PALS1: variants seen among roughly 807,000 people sequenced by gnomAD.
PALS1 encodes the protein protein associated with LIN7 1, MAGUK p55 family member.
In PALS1, 31 loss-of-function variants were observed where a neutral mutation model predicts 78.9. That is an observed-to-expected ratio of 0.39 (90% confidence interval 0.30 to 0.53). PALS1 has a LOEUF of 0.53. Ranked by LOEUF, PALS1 falls within the 20% of genes least tolerant of loss-of-function variation. PALS1 has a pLI of 0.67. For missense variants in PALS1, 704 were observed against 826.5 expected (o/e 0.85, Z 1.82); for synonymous variants, 276 against 270.9 (o/e 1.02, Z -0.18).
Position 67,279,341 on chromosome 14 carries a change from G to A in PALS1, c.171G>A (p.Glu57=), listed in dbSNP as rs1364249432. 5.0e-6 allele frequency: 8 copies of A among 1,613,908 alleles called. No homozygotes were observed. The highest frequency in any genetic ancestry group is 6.8e-6 in the Non-Finnish European group (8 of 1,179,958). Residue 57 remains glutamate (E), a synonymous_variant, in exon 3 of 15, where the codon GAG becomes GAA. Coordinates refer to ENST00000261681, the MANE Select transcript of PALS1 (RefSeq NM_022474.4). ...CAATACGTCGAAGTGCACAGTTGGAGCGTATTCGGCAACAACAGGAGGACA... is the reference window on the plus strand; with the variant it reads ...CAATACGTCGAAGTGCACAGTTGGAACGTATTCGGCAACAACAGGAGGACA... ...MMPIRRSAQL[E]RIRQQQEDMR...
intron 14 of PALS1, among the ~76,000 whole-genome samples, chr14:67,325,979 C>CTTTTTTTTTTTTT (rs61592505): frequency 5.6e-4 from 62 of 110,204 alleles, no homozygotes; most frequent in African/African-American, 8.6e-4. Flanking sequence ...CGGCTCTTTT[C>CTTTTTTTTTTTTT]TTTTTTTTTT....
At chr14:67,280,829 TTCCTTCCTTCCTTCCTTCCTTCCTTCCC>T (rs1567518211) in intron 3 of PALS1, among the ~76,000 whole-genome samples, 2 of 131,160 alleles carry the variant, frequency 1.5e-5, no homozygotes, top group Admixed American at 1.6e-4. Flanking sequence ...CCTTCCTTCC[TTCCTTCCTTCCTTCCTTCCTTCCTTCCC>T]TCCCTCCCTC....
At chr14:67,312,357 C>T (rs1311395148) in intron 8 of PALS1, among the ~76,000 whole-genome samples, 170 bp from the exon 9 acceptor site, 1 of 152,062 alleles carries the variant, frequency 6.6e-6, no homozygotes, top group Non-Finnish European at 1.5e-5. Flanking sequence ...GGAGAAGGAT[C>T]GCTTGAGGCT....
chr14:67,332,238 G>C (rs1236477023), intron 14 of PALS1, among the ~76,000 whole-genome samples: 1 of 152,072 alleles, frequency 6.6e-6, no homozygotes, highest in Non-Finnish European at 1.5e-5. Flanking sequence ...TTGTAAAATG[G>C]CCCTTTCCTT....
At position 67,301,408 on chromosome 14, in the gene PALS1, C is replaced by T. The variant is rs781684728; in HGVS notation, c.596C>T (p.Pro199Leu). Residue 199 changes from proline (P) to leucine (L), a missense_variant, in exon 5 of 15, where the codon CCA becomes CTA. Coordinates refer to ENST00000261681, the MANE Select transcript of PALS1 (RefSeq NM_022474.4). ...LAQEVQTVLKPVHHKEGQELT... is the reference protein window; with the variant it reads ...LAQEVQTVLKLVHHKEGQELT... ...TCTTAGGTACAAACTGTTTTGAAGC[C>T]AGTTCATCATAAGGAAGGACAAGAA... is the stretch of plus-strand genomic sequence containing the variant. 3.7e-6 allele frequency: 6 copies of T among 1,609,202 alleles called. No individual in the cohort carries two copies. In the East Asian group the frequency reaches 1.3e-4, roughly 36 times the overall value.
chr14:67,296,257 C>T, intron 4 of PALS1, among the ~76,000 whole-genome samples: 1 of 152,064 alleles, frequency 6.6e-6, no homozygotes, highest in Admixed American at 6.6e-5. Flanking sequence ...AGAGAGAAAG[C>T]CTGGCAAATT....
intron 2 of PALS1, among the ~76,000 whole-genome samples, chr14:67,272,882 T>A (rs1432696613): frequency 2.6e-5 from 4 of 152,180 alleles, no homozygotes; most frequent in African/African-American, 9.7e-5. Context: ...TTGCCCAGGC[T>A]GGTCTCAAAC....
chr14:67,262,742 G>A (rs2084258878), intron 1 of PALS1, among the ~76,000 whole-genome samples: 2 of 152,142 alleles, frequency 1.3e-5, no homozygotes, highest in South Asian at 4.1e-4. Context: ...ACAATTTAGT[G>A]TAGCATTCAG....
intron 2 of PALS1, among the ~76,000 whole-genome samples, chr14:67,277,679 G>A (rs1280882400): frequency 6.6e-6 from 1 of 152,054 alleles, no homozygotes. Flanking sequence ...CTGAGAAATA[G>A]CTTGATGAAA....
At chr14:67,330,463 T>A (rs938220444) in intron 14 of PALS1, among the ~76,000 whole-genome samples, 1 of 150,092 alleles carries the variant, frequency 6.7e-6, no homozygotes, top group African/African-American at 2.4e-5. Flanking sequence ...TCATTTTTTT[T>A]TTTTTTTTTT....
intron 11 of PALS1, 47 bp from the exon 12 acceptor site, chr14:67,320,183 A>G (rs2085241096): frequency 2.5e-6 from 4 of 1,569,928 alleles, no homozygotes; most frequent in Non-Finnish European, 3.5e-6. Context: ...TATCTTTAAT[A>G]CATGGCCATA....
intron 8 of PALS1, among the ~76,000 whole-genome samples, chr14:67,307,706 T>C (rs1016930380): frequency 6.6e-6 from 1 of 152,196 alleles, no homozygotes; most frequent in African/African-American, 2.4e-5. Flanking sequence ...TTTCCTTGAC[T>C]CACTTTCACT....
At chr14:67,278,379 G>A (rs2084542812) in intron 2 of PALS1, among the ~76,000 whole-genome samples, 1 of 149,680 alleles carries the variant, frequency 6.7e-6, no homozygotes, top group Non-Finnish European at 1.5e-5. Flanking sequence ...TATAAAGACT[G>A]ATAACCCATG....
intron 4 of PALS1, among the ~76,000 whole-genome samples, chr14:67,295,322 TA>T (rs920353598): frequency 1.1e-4 from 16 of 146,716 alleles, no homozygotes; most frequent in African/African-American, 1.2e-4. Context: ...TGGTCTCTAC[TA>T]AAAAAAAAAT....
chr14:67,303,185 A>G (rs1436690000), intron 7 of PALS1, among the ~76,000 whole-genome samples: 1 of 152,250 alleles, frequency 6.6e-6, no homozygotes, highest in Non-Finnish European at 1.5e-5. Context: ...GGATAGTGCT[A>G]GTATAATCAG....
intron 8 of PALS1, among the ~76,000 whole-genome samples, chr14:67,309,992 G>GTT (rs555819051): frequency 2.8e-4 from 39 of 141,086 alleles, no homozygotes; most frequent in Middle Eastern, 3.7e-3. Flanking sequence ...GATTCTCAAG[G>GTT]TTTTTTTTTT....
chr14:67,327,935 G>C (rs1305860303), intron 14 of PALS1, among the ~76,000 whole-genome samples: 1 of 152,156 alleles, frequency 6.6e-6, no homozygotes. Context: ...TAGTGCTGCA[G>C]TCAATGTACG....
intron 13 of PALS1, among the ~76,000 whole-genome samples, chr14:67,323,203 A>G (rs528182319): frequency 2.3e-4 from 32 of 141,920 alleles, no homozygotes; most frequent in Middle Eastern, 3.5e-3. Flanking sequence ...TTATATGTGT[A>G]TATATATACA....
chr14:67,249,534 A>G (rs1462580701), intron 1 of PALS1, among the ~76,000 whole-genome samples: 3 of 152,236 alleles, frequency 2.0e-5, no homozygotes, highest in Non-Finnish European at 4.4e-5. Context: ...GCTTTGTCAC[A>G]AACCAACAGA....
Sources: allele counts gnomAD v4.1 joint callset (sites outside exome capture counted in the v4.1 genomes callset), GRCh38; gene constraint gnomAD v4.1.1; transcripts MANE v1.5; gene names NCBI Gene and HGNC (gene_info 2026-07-23, HGNC 2026-07-21).